Variants in ECE1 observed in about 807,000 individuals in gnomAD.
ECE1 encodes endothelin-converting enzyme 1.
Under a neutral mutation model 98.6 loss-of-function variants are expected in ECE1, and 35 were observed. The ratio of observed to expected loss-of-function variants is 0.35; its 90% CI spans 0.27 to 0.47. The LOEUF (loss-of-function observed/expected upper bound fraction) is 0.47, where lower values mean the gene tolerates loss of function less well. Ranked by LOEUF, ECE1 falls within the 20% of genes least tolerant of loss-of-function variation. The pLI is 1.00. For synonymous variants in ECE1, 394 were observed against 407.1 expected, an observed-to-expected ratio of 0.97 and a Z score of 0.39; for missense variants, 814 against 1,025.3, an observed-to-expected ratio of 0.79 and a Z score of 2.81.
Position 21,226,298 on chromosome 1 carries a change from C to T in ECE1, c.1850-858G>A, listed in dbSNP as rs28368034. Among the ~76,000 whole-genome samples the T allele has an allele frequency of 2.2e-3, 337 of 152,308 alleles. 2 individuals are homozygous for T. The highest frequency in any genetic ancestry group is 7.1e-3 in the African/African-American group (295 of 41,560). On this transcript the variant is annotated intron_variant, in intron 16 of 18. Transcript: ENST00000374893. ...AACCCCAAGAGCGGGACAACTTCCA[C>T]GAGCAGGGCACCTCACTACACACTT...
chr1:21,259,217 T>C (rs942500640), intron 5 of ECE1, among the ~76,000 whole-genome samples: 1 of 152,184 alleles, frequency 6.6e-6, no homozygotes, highest in Admixed American at 6.5e-5. Context: ...AGGCTCCACA[T>C]GTTTAAGAAG....
rs1244865564 is a variant in ECE1, at chr1:21,238,173, C to T, written c.1350G>A (p.Met450Ile). The stretch of plus-strand genomic sequence containing the variant: ...CCTCGGCGAAGGTTGCTTTGACAAA[C>T]ATGGGGCCCAACGCAAAGCCCAGGT... ...ENNLGFALGP[M>I]FVKATFAEDS... Residue 450 changes from methionine to isoleucine, a missense_variant, in exon 11 of 19, where the codon ATG becomes ATA. Met to Ile is a conservative substitution (Grantham distance 10). Around this residue, in one of 3 missense-constraint regions of ECE1, gnomAD observed 452 missense variants for 567.3 expected, o/e 0.80. Coordinates refer to ENST00000374893, the MANE Select transcript of ECE1 (RefSeq NM_001397.3). 1 of 1,614,274 alleles carries T rather than the reference C, an allele frequency of 6.2e-7. No homozygotes were observed. Among genetic ancestry groups the T allele is most frequent in the Admixed American group, 1.7e-5 (1 of 60,032 alleles).
intron 1 of ECE1, among the ~76,000 whole-genome samples, chr1:21,297,387 G>A (rs762450061): frequency 6.6e-6 from 1 of 152,092 alleles, no homozygotes; most frequent in Non-Finnish European, 1.5e-5. Flanking sequence ...AATCATCTCT[G>A]GTCCTCTGTC....
At chr1:21,243,207 G>T (rs927205508) in intron 10 of ECE1, among the ~76,000 whole-genome samples, 2 of 152,106 alleles carry the variant, frequency 1.3e-5, no homozygotes, top group Non-Finnish European at 2.9e-5. Flanking sequence ...TCTGTAAAAT[G>T]GAAGAGGATA....
At chr1:21,304,020 T>TAAA (rs35065663) in intron 1 of ECE1, among the ~76,000 whole-genome samples, 1 of 140,194 alleles carries the variant, frequency 7.1e-6, no homozygotes, top group South Asian at 2.4e-4. Context: ...CCATTTTCCT[T>TAAA]AAAAAAAAAA....
Position 21,260,143 on chromosome 1 carries a change from T to C in ECE1, c.615+128A>G. On this transcript the variant is annotated intron_variant, in intron 5 of 18. Transcript: ENST00000374893. The surrounding 1 kb of genome is among the most constrained non-coding windows in gnomAD (Gnocchi z 4.3). ...CGCACACTCGCTCTCTCTCTTTCTG[T>C]CTTTCTCTTGGTGCTACCGGCTGGA... The C allele has an allele frequency of 7.2e-7, 1 of 1,398,418 alleles. No homozygotes were observed. The highest frequency in any genetic ancestry group is 1.0e-6 in the Non-Finnish European group (1 of 990,484). 86.6% of individuals were successfully genotyped at this position (1,398,418 alleles called of 1,614,324 possible).
At chr1:21,342,477 C>T (rs549260974) in intron 1 of ECE1, among the ~76,000 whole-genome samples, 80 of 152,210 alleles carry the variant, frequency 5.3e-4, no homozygotes, top group African/African-American at 1.7e-3. Context: ...ACGGTCCATC[C>T]GAGGCCCTTA....
At chr1:21,226,812 G>A (rs28751279) in intron 16 of ECE1, among the ~76,000 whole-genome samples, 3,917 of 152,156 alleles carry the variant, frequency 0.026, 85 homozygotes, top group Non-Finnish European at 0.034. Flanking sequence ...TGCAACCTCC[G>A]CCTCCCAGAT....
rs114921587 is a variant in ECE1, at chr1:21,345,480, G to A, written c.-102C>T. On this transcript the variant is annotated 5_prime_UTR_variant, in exon 1 of 19. Coordinates refer to the ECE1 transcript ENST00000415912. This position sits in a 1 kb window ranked among gnomAD's most constrained non-coding sequence, Gnocchi z 5.1. ...CCAGCCCAGCTGCTCGGACGGCTCG[G>A]CTGCCTGGCCCAGGCGGCGCGCTCA... is the stretch of plus-strand genomic sequence containing the variant. The A allele has an allele frequency of 0.085, 95,142 of 1,114,434 alleles. 4,553 individuals carry two copies. Among genetic ancestry groups the A allele is most frequent in the Middle Eastern group, 0.099 (288 of 2,904 alleles). The allele number at this position is 1,114,434 out of a possible 1,614,324, so 69.0% of individuals were successfully genotyped here.
chr1:21,237,643 C>A (rs1360138132), intron 11 of ECE1, among the ~76,000 whole-genome samples: 1 of 152,158 alleles, frequency 6.6e-6, no homozygotes, highest in East Asian at 1.9e-4. Flanking sequence ...GGGAGGAATG[C>A]CCCCGTCTCC....
intron 1 of ECE1, among the ~76,000 whole-genome samples, chr1:21,336,962 A>C (rs903660492): frequency 1.3e-5 from 2 of 152,190 alleles, no homozygotes; most frequent in Non-Finnish European, 2.9e-5. Flanking sequence ...GCTTGAACCC[A>C]GGAGACAGAG....
intron 4 of ECE1, among the ~76,000 whole-genome samples, chr1:21,264,990 T>C (rs2098232052): frequency 6.6e-6 from 1 of 152,202 alleles, no homozygotes; most frequent in South Asian, 2.1e-4. Context: ...CTTCCCTCTC[T>C]GGCCCCATGC....
rs1380258154 is a variant in ECE1 at position 21,217,872 on chromosome 1, CA to C, written c.*2082del. On this transcript the variant is annotated 3_prime_UTR_variant, in exon 19 of 19. Transcript: ENST00000374893. The stretch of plus-strand genomic sequence containing the variant: ...AGCTTGGAGGCAGATCCCAAGGTGG[CA>C]GGGGTGTCCCTGTGCCGTCTGCTTC... The C allele has an allele frequency of 1.3e-5, 2 of 152,498 alleles. No homozygotes were observed. Among genetic ancestry groups the C allele is most frequent in the Non-Finnish European group, 2.9e-5 (2 of 68,240 alleles). 9.4% of individuals were successfully genotyped at this position (152,498 alleles called of 1,614,324 possible). A position where few individuals can be genotyped will look rare whatever the true frequency, so the allele number is the denominator to read the frequency against.
chr1:21,255,635 A>T (rs2098218906), intron 8 of ECE1, among the ~76,000 whole-genome samples: 1 of 152,198 alleles, frequency 6.6e-6, no homozygotes, highest in Non-Finnish European at 1.5e-5. Flanking sequence ...GAGACTGGAA[A>T]GGCGCTGTCA....
At chr1:21,295,289 T>C (rs1194389012), upstream of ECE1, among the ~76,000 whole-genome samples, 5 of 152,294 alleles carry the variant, frequency 3.3e-5, no homozygotes, top group East Asian at 3.9e-4. Flanking sequence ...GGCCGGAGGA[T>C]TGTTTGAGGC....
In ECE1 at chr1:21,233,644, G is replaced by A. The variant is rs1243924920; in HGVS notation, c.1584C>T (p.Asp528=). 1.2e-6 allele frequency: 2 copies of A among 1,613,840 alleles called. No homozygotes were observed. The highest frequency in any genetic ancestry group is 1.7e-6 in the Non-Finnish European group (2 of 1,179,924). ...ACCGCATGGCATTTTCAAAGTAGAG[G>A]TCTGGAACTGCAGTGTACTAGAAAA... ...KVFNDYTAVP[D]LYFENAMRFF... Residue 528 remains aspartate, a synonymous_variant, in exon 14 of 19, where the codon GAC becomes GAT. Coordinates refer to ENST00000374893, the MANE Select transcript of ECE1 (RefSeq NM_001397.3). This position sits in a 1 kb window ranked among gnomAD's most constrained non-coding sequence, Gnocchi z 4.0.
chr1:21,279,117 G>T (rs1332589045), intron 3 of ECE1, 74 bp downstream of exon 3: 5 of 1,612,078 alleles, frequency 3.1e-6, no homozygotes, highest in Non-Finnish European at 3.4e-6. Flanking sequence ...AAGCAGGGAA[G>T]CCCCCCTCGC....
intron 1 of ECE1, among the ~76,000 whole-genome samples, chr1:21,321,494 G>A (rs1638962647): frequency 6.6e-6 from 1 of 152,148 alleles, no homozygotes; most frequent in Non-Finnish European, 1.5e-5. Flanking sequence ...AGTGGCCCAT[G>A]GGTGCCTTCA....
Position 21,217,500 on chromosome 1 carries a change from C to G in ECE1, c.*2455G>C, listed in dbSNP as rs974000981. On this transcript the variant is annotated 3_prime_UTR_variant, in exon 19 of 19. Coordinates refer to ENST00000374893, the MANE Select transcript of ECE1 (RefSeq NM_001397.3). The stretch of plus-strand genomic sequence containing the variant: ...CCTGAGCCCTCTTCTTCCCCAACCC[C>G]CTGCCGGCCCCGGCAGACCTGAGCC... The G allele has an allele frequency of 2.6e-5, 4 of 152,360 alleles. No homozygotes were observed. Among genetic ancestry groups the G allele is most frequent in the African/African-American group, 7.2e-5 (3 of 41,454 alleles). 9.4% of individuals were successfully genotyped at this position (152,360 alleles called of 1,614,324 possible). A position where few individuals can be genotyped will look rare whatever the true frequency, so the allele number is the denominator to read the frequency against.
Sources: allele counts gnomAD v4.1 joint callset (sites outside exome capture counted in the v4.1 genomes callset), GRCh38; gene constraint gnomAD v4.1.1; regional missense constraint gnomAD v4.1.1; non-coding constraint Gnocchi (gnomAD v3.1); transcripts MANE v1.5; gene names NCBI Gene and HGNC (gene_info 2026-07-23, HGNC 2026-07-21).